The following LONP2 variants were observed in gnomAD, a reference collection of about 807,000 sequenced individuals.
LONP2 encodes lon peptidase 2, peroxisomal, also known as lon protease homolog 2, peroxisomal.
In LONP2, 60 loss-of-function variants were observed where a neutral mutation model predicts 85.6. The observed-to-expected ratio is 0.70, with a 90% CI of 0.57 to 0.87. The LOEUF (loss-of-function observed/expected upper bound fraction) is 0.87. Among genes scored for constraint, LONP2 ranks in the 40% least tolerant of loss-of-function variants. The pLI is 0.00. For missense variants in LONP2, 860 were observed against 1,063.5 expected (o/e 0.81, Z 2.66); for synonymous variants, 395 against 389.7 (o/e 1.01, Z -0.16).
intron 11 of LONP2, among the ~76,000 whole-genome samples, chr16:48,305,301 C>T (rs1972890650): frequency 6.6e-6 from 1 of 152,172 alleles, no homozygotes; most frequent in Non-Finnish European, 1.5e-5. Flanking sequence ...GTCGTCCAGG[C>T]TGGACTGCGG....
At chr16:48,265,945 C>G (rs1411747715) in intron 6 of LONP2, among the ~76,000 whole-genome samples, 1 of 152,066 alleles carries the variant, frequency 6.6e-6, no homozygotes, top group East Asian at 1.9e-4. Context: ...TAAGTTTGTA[C>G]TTAAGTATTT....
intron 8 of LONP2, among the ~76,000 whole-genome samples, chr16:48,279,505 G>T (rs953901676): frequency 2.6e-5 from 4 of 152,116 alleles, no homozygotes; most frequent in African/African-American, 4.8e-5. Flanking sequence ...GGGGTCGGGG[G>T]TATCACTGCA....
intron 13 of LONP2, 22 bp downstream of exon 13, chr16:48,347,736 G>T: frequency 6.2e-7 from 1 of 1,602,246 alleles, no homozygotes; most frequent in South Asian, 1.1e-5. Context: ...CACCCGGCCA[G>T]GCAGGCGTGA....
intron 6 of LONP2, among the ~76,000 whole-genome samples, chr16:48,264,503 G>A (rs1971948458): frequency 6.6e-6 from 1 of 152,202 alleles, no homozygotes; most frequent in Admixed American, 6.5e-5. Flanking sequence ...AACAATTGCT[G>A]TTATCCTGTT....
chr16:48,296,823 C>G (rs1011990886), intron 9 of LONP2, among the ~76,000 whole-genome samples: 5 of 151,588 alleles, frequency 3.3e-5, no homozygotes, highest in African/African-American at 1.2e-4. Context: ...TTGAATCTGT[C>G]AAATAGTTAA....
chr16:48,308,060 A>G (rs1473666974), intron 11 of LONP2, among the ~76,000 whole-genome samples: 2 of 152,218 alleles, frequency 1.3e-5, no homozygotes, highest in Non-Finnish European at 2.9e-5. Context: ...TGACCCAAAC[A>G]TCTCCCAGTA....
chr16:48,258,568 G>T (rs1301241321), intron 3 of LONP2, 50 bp from the exon 4 acceptor site: 4 of 1,529,004 alleles, frequency 2.6e-6, no homozygotes, highest in Admixed American at 2.3e-5. Flanking sequence ...TCTGTTTTTG[G>T]ATTGTGTGTT....
At chr16:48,264,639 TTAAAG>T (rs975281700) in intron 6 of LONP2, among the ~76,000 whole-genome samples, 15 of 152,134 alleles carry the variant, frequency 9.9e-5, no homozygotes, top group Non-Finnish European at 5.9e-5. Context: ...GATTAAGAGA[TTAAAG>T]TAAAGACAGG....
intron 1 of LONP2, among the ~76,000 whole-genome samples, chr16:48,246,648 G>T (rs1055884153): frequency 2.6e-5 from 4 of 152,118 alleles, no homozygotes; most frequent in African/African-American, 9.7e-5. Context: ...GTAGCCCACC[G>T]CAACCTTGAT....
chr16:48,274,355 C>A (rs956226673), intron 7 of LONP2, among the ~76,000 whole-genome samples: 2 of 151,978 alleles, frequency 1.3e-5, no homozygotes, highest in African/African-American at 4.8e-5. Context: ...CCTTTATGTA[C>A]CCCATGATGC....
chr16:48,357,406 C>T (rs952096222), downstream of LONP2: 2 of 152,202 alleles, frequency 1.3e-5, no homozygotes, highest in African/African-American at 4.8e-5. Context: ...GTGCTTTGAA[C>T]ATGCACACTG....
chr16:48,258,784 A>T, intron 4 of LONP2, 44 bp downstream of exon 4: 1 of 1,546,080 alleles, frequency 6.5e-7, no homozygotes, highest in Non-Finnish European at 8.7e-7. Context: ...AAAAAAAATA[A>T]GGAGAATAAA....
At position 48,244,639 on chromosome 16, in the gene LONP2, C is replaced by CGCGGCG; in HGVS notation, c.233+26_233+31dup. ...CTGCACAGGTAGGCCTGGCTGCCCC[C>CGCGGCG]GCGGCGGCGGCGGGCGGCGCGGCCT... On this transcript the variant is annotated intron_variant, in intron 1 of 14. Transcript: ENST00000285737. 1.5e-6 allele frequency: 2 copies of CGCGGCG among 1,340,296 alleles called. No individual in the cohort carries two copies. 83.0% of individuals were successfully genotyped at this position (1,340,296 alleles called of 1,614,324 possible).
chr16:48,281,616 T>C (rs901846414), intron 8 of LONP2, among the ~76,000 whole-genome samples: 3 of 152,220 alleles, frequency 2.0e-5, no homozygotes, highest in Admixed American at 6.5e-5. Flanking sequence ...TGAATGCATA[T>C]CTCAAATACA....
chr16:48,360,319 T>C (rs1013924214), downstream of LONP2, among the ~76,000 whole-genome samples: 1 of 152,192 alleles, frequency 6.6e-6, no homozygotes, highest in Non-Finnish European at 1.5e-5. Context: ...CTCCTGACAG[T>C]TGTAAGAATC....
chr16:48,339,684 AC>A (rs1190117900), intron 12 of LONP2, among the ~76,000 whole-genome samples: 4 of 152,214 alleles, frequency 2.6e-5, no homozygotes, highest in African/African-American at 9.6e-5. Context: ...GACCCAAAGC[AC>A]CAGTGAGGAA....
chr16:48,274,784 G>T (rs762955860), intron 7 of LONP2, among the ~76,000 whole-genome samples: 1 of 151,988 alleles, frequency 6.6e-6, no homozygotes, highest in Admixed American at 6.6e-5. Flanking sequence ...GTTTTGTTCT[G>T]CCAGACTTAT....
intron 14 of LONP2, among the ~76,000 whole-genome samples, chr16:48,350,800 C>A (rs1220355323): frequency 2.0e-5 from 3 of 152,160 alleles, no homozygotes; most frequent in Non-Finnish European, 4.4e-5. Context: ...GCTGGAGAAA[C>A]TGCTTCCATG....
intron 11 of LONP2, among the ~76,000 whole-genome samples, chr16:48,330,692 A>G (rs1959410862): frequency 6.6e-6 from 1 of 152,206 alleles, no homozygotes; most frequent in African/African-American, 2.4e-5. Flanking sequence ...GGTGACTCAG[A>G]ATCCAGTGCT....
Sources: allele counts gnomAD v4.1 joint callset (sites outside exome capture counted in the v4.1 genomes callset), GRCh38; gene constraint gnomAD v4.1.1; transcripts MANE v1.5; gene names NCBI Gene and HGNC (gene_info 2026-07-23, HGNC 2026-07-21).